The following DLG2 variants were observed in gnomAD, a reference collection of about 807,000 sequenced individuals.
DLG2 encodes discs large MAGUK scaffold protein 2, also known as disks large homolog 2.
Under a neutral mutation model 132.5 loss-of-function variants are expected in DLG2, and 45 were observed. That is an observed-to-expected ratio of 0.34 (90% CI 0.27 to 0.44). The LOEUF (loss-of-function observed/expected upper bound fraction) is 0.44. Ranked by LOEUF, DLG2 falls within the 20% of genes least tolerant of loss-of-function variation. The pLI is 1.00. For synonymous variants in DLG2, 424 were observed against 419.6 expected, an observed-to-expected ratio of 1.01 and a Z score of -0.13; for missense variants, 1,045 against 1,196.9, an observed-to-expected ratio of 0.87 and a Z score of 1.87.
At chr11:83,711,782 T>C (rs1196805030) in intron 18 of DLG2, among the ~76,000 whole-genome samples, 2 of 152,316 alleles carry the variant, frequency 1.3e-5, no homozygotes, top group African/African-American at 4.8e-5. Flanking sequence ...GCATGCTCCA[T>C]GGGCCAAAGC....
chr11:84,561,424 C>A (rs2099428573), intron 6 of DLG2, among the ~76,000 whole-genome samples: 1 of 152,056 alleles, frequency 6.6e-6, no homozygotes, highest in Non-Finnish European at 1.5e-5. Context: ...TCTGTGAAAC[C>A]TCCCTTCTAG....
At chr11:83,568,043 A>G (rs1565840536) in intron 19 of DLG2, among the ~76,000 whole-genome samples, 1 of 152,186 alleles carries the variant, frequency 6.6e-6, no homozygotes, top group Admixed American at 6.6e-5. Context: ...GGACACAGAC[A>G]GGTAAGCATT....
At chr11:83,990,871 GGTTTT>G (rs2093668806) in intron 11 of DLG2, among the ~76,000 whole-genome samples, 1 of 151,932 alleles carries the variant, frequency 6.6e-6, no homozygotes, top group Non-Finnish European at 1.5e-5. Flanking sequence ...CTGTCTACAT[GGTTTT>G]ATTAAAGGAA....
At chr11:84,984,101 T>C (rs577146736) in intron 6 of DLG2, among the ~76,000 whole-genome samples, 48 of 152,138 alleles carry the variant, frequency 3.2e-4, no homozygotes, top group Non-Finnish European at 5.4e-4. Flanking sequence ...AATAATTAAG[T>C]AAAACTTCCC....
intron 6 of DLG2, among the ~76,000 whole-genome samples, chr11:85,098,360 T>C (rs2070266810): frequency 6.6e-6 from 1 of 152,204 alleles, no homozygotes; most frequent in Non-Finnish European, 1.5e-5. Context: ...ACTGTCCAAA[T>C]GCACAGGGAC....
At chr11:83,890,628 C>T (rs1484672973) in intron 15 of DLG2, among the ~76,000 whole-genome samples, 2 of 152,118 alleles carry the variant, frequency 1.3e-5, no homozygotes, top group African/African-American at 4.8e-5. Flanking sequence ...GTAGTCCTGT[C>T]ATCATATAAT....
At chr11:83,734,504 G>A (rs1256580780) in intron 18 of DLG2, among the ~76,000 whole-genome samples, 1 of 151,622 alleles carries the variant, frequency 6.6e-6, no homozygotes, top group Non-Finnish European at 1.5e-5. Context: ...AGGCTGGAGT[G>A]CAGTGGCACT....
intron 6 of DLG2, among the ~76,000 whole-genome samples, chr11:85,084,879 G>C (rs2067705211): frequency 6.6e-6 from 1 of 152,118 alleles, no homozygotes; most frequent in Non-Finnish European, 1.5e-5. Context: ...ATTAGAGAAA[G>C]CACGAGTTTC....
intron 4 of DLG2, among the ~76,000 whole-genome samples, chr11:85,264,940 T>C (rs566655616): frequency 1.1e-4 from 17 of 152,360 alleles, no homozygotes; most frequent in African/African-American, 4.1e-4. Flanking sequence ...ATCCTGTCTA[T>C]GATCCAGTCT....
At chr11:83,775,888 C>A (rs551601500) in intron 18 of DLG2, among the ~76,000 whole-genome samples, 5 of 151,956 alleles carry the variant, frequency 3.3e-5, no homozygotes, top group Non-Finnish European at 7.4e-5. Context: ...ATCAGGAGAT[C>A]GAGACCATCC....
At chr11:83,966,698 A>G (rs1292128421) in intron 12 of DLG2, among the ~76,000 whole-genome samples, 1 of 152,108 alleles carries the variant, frequency 6.6e-6, no homozygotes, top group Non-Finnish European at 1.5e-5. Context: ...AGTGGTCACT[A>G]TAGTGAAGTA....
intron 18 of DLG2, among the ~76,000 whole-genome samples, chr11:83,690,095 G>T (rs1221350342): frequency 1.3e-5 from 2 of 148,312 alleles, no homozygotes; most frequent in Non-Finnish European, 3.0e-5. Flanking sequence ...CTGTATTACT[G>T]TGTCACAGTG....
chr11:85,490,246 C>A (rs955905505), intron 3 of DLG2, among the ~76,000 whole-genome samples: 19 of 151,936 alleles, frequency 1.3e-4, no homozygotes, highest in Admixed American at 9.8e-4. Flanking sequence ...CACAAACATA[C>A]CAAACCCTGT....
intron 22 of DLG2, chr11:83,483,446 A>AACTT (rs1193789744): frequency 1.3e-5 from 7 of 552,174 alleles, no homozygotes; most frequent in African/African-American, 9.7e-5. Context: ...CTTTTAAAAA[A>AACTT]ACTTTCACCC....
At chr11:83,872,253 A>T (rs2063604915) in intron 16 of DLG2, among the ~76,000 whole-genome samples, 1 of 152,112 alleles carries the variant, frequency 6.6e-6, no homozygotes, top group African/African-American at 2.4e-5. Flanking sequence ...ACAGAGCGAG[A>T]CTCCATCTCA....
At chr11:85,190,040 A>G (rs1169225701) in intron 4 of DLG2, among the ~76,000 whole-genome samples, 1 of 152,244 alleles carries the variant, frequency 6.6e-6, no homozygotes, top group Non-Finnish European at 1.5e-5. Context: ...AATCTAATTC[A>G]GGCAGGACTT....
At chr11:84,012,478 C>T (rs2094940391) in intron 11 of DLG2, among the ~76,000 whole-genome samples, 1 of 152,092 alleles carries the variant, frequency 6.6e-6, no homozygotes, top group Admixed American at 6.6e-5. Context: ...CATTTTGTGG[C>T]ATTTATATAT....
chr11:84,502,260 TTCCTTCCTTCC>T (rs2099214781), intron 7 of DLG2, among the ~76,000 whole-genome samples: 1 of 49,064 alleles, frequency 2.0e-5, no homozygotes, highest in Admixed American at 1.5e-4. Flanking sequence ...CCTTCCTTCC[TTCCTTCCTTCC>T]TTCCTTCCTT....
At chr11:85,431,358 A>T (rs1218449980) in intron 3 of DLG2, among the ~76,000 whole-genome samples, 1 of 152,168 alleles carries the variant, frequency 6.6e-6, no homozygotes, top group South Asian at 2.1e-4. Context: ...GTGAGTGAGC[A>T]TGCTACCCAG....
Sources: allele counts gnomAD v4.1 joint callset (sites outside exome capture counted in the v4.1 genomes callset), GRCh38; gene constraint gnomAD v4.1.1; transcripts MANE v1.5; gene names NCBI Gene and HGNC (gene_info 2026-07-23, HGNC 2026-07-21).